KIAA1958: variants seen among roughly 807,000 people sequenced by gnomAD.
KIAA1958 encodes the protein uncharacterized protein KIAA1958.
In KIAA1958, 14 loss-of-function variants were observed where a neutral mutation model predicts 47.2. The observed-to-expected ratio is 0.30, with a 90% CI of 0.20 to 0.46. KIAA1958 has a LOEUF of 0.46. KIAA1958 is among the 20% of genes least tolerant of loss of function. The pLI, the probability that KIAA1958 is intolerant of heterozygous loss-of-function variation, is 1.00. For missense variants in KIAA1958, 803 were observed against 909.2 expected (o/e 0.88, Z 1.50); for synonymous variants, 354 against 353.3 (o/e 1.00, Z -0.02).
chr9:112,502,766 A>G (rs1834164814), intron 1 of KIAA1958, among the ~76,000 whole-genome samples: 1 of 152,238 alleles, frequency 6.6e-6, no homozygotes, highest in Admixed American at 6.5e-5. Flanking sequence ...TACGATAGAG[A>G]TCTTGCAAAG....
intron 2 of KIAA1958, among the ~76,000 whole-genome samples, chr9:112,632,921 T>A (rs201642128): frequency 5.4e-4 from 70 of 130,058 alleles, no homozygotes; most frequent in Admixed American, 4.5e-3. Flanking sequence ...TTTTTTTTTT[T>A]TTAAAAAAAG....
At chr9:112,597,945 T>TG (rs1836061501) in intron 2 of KIAA1958, among the ~76,000 whole-genome samples, 1 of 152,082 alleles carries the variant, frequency 6.6e-6, no homozygotes, top group South Asian at 2.1e-4. Context: ...GATGAAACAG[T>TG]GGGGAAAAAA....
rs1837311773 is a variant in KIAA1958 at position 112,663,489 on chromosome 9, CTG to C, written c.*3422_*3423del. 2 of 152,188 alleles carry C rather than the reference CTG, an allele frequency of 1.3e-5. No homozygotes were observed. Among genetic ancestry groups the C allele is most frequent in the African/African-American group, 4.8e-5 (2 of 41,442 alleles). 9.4% of individuals were successfully genotyped at this position (152,188 alleles called of 1,614,324 possible). On this transcript the variant is annotated 3_prime_UTR_variant, in exon 4 of 4. Coordinates refer to ENST00000337530, the MANE Select transcript of KIAA1958 (RefSeq NM_133465.4). ...TTATGGAGATTCTGTCTCCCTTAAA[CTG>C]TTAAACTTGAAGAAGAAACCAAACA...
intron 2 of KIAA1958, among the ~76,000 whole-genome samples, chr9:112,593,706 C>G (rs185831628): frequency 2.2e-4 from 34 of 151,884 alleles, no homozygotes; most frequent in African/African-American, 8.2e-4. Flanking sequence ...CCACTGAGCC[C>G]AGCCTATATT....
At chr9:112,602,247 G>T (rs1836147134) in intron 2 of KIAA1958, among the ~76,000 whole-genome samples, 2 of 152,122 alleles carry the variant, frequency 1.3e-5, no homozygotes, top group South Asian at 2.1e-4. Flanking sequence ...AAGATTGCAG[G>T]TATTAGGAGC....
At chr9:112,591,235 C>G (rs999475042) in intron 2 of KIAA1958, among the ~76,000 whole-genome samples, 3 of 152,040 alleles carry the variant, frequency 2.0e-5, no homozygotes, top group Non-Finnish European at 2.9e-5. Context: ...AGGTGCCCAC[C>G]ACCACGCCCG....
At chr9:112,520,498 T>C (rs1051612050) in intron 1 of KIAA1958, among the ~76,000 whole-genome samples, 30 of 152,192 alleles carry the variant, frequency 2.0e-4, no homozygotes, top group African/African-American at 7.2e-4. Context: ...TGGTATTCTG[T>C]ATAAATTAAT....
chr9:112,649,028 A>G (rs187085172), intron 3 of KIAA1958, among the ~76,000 whole-genome samples: 149 of 152,180 alleles, frequency 9.8e-4, no homozygotes, highest in Admixed American at 3.1e-3. Context: ...CCAAAAATGA[A>G]CTTACAGATA....
At position 112,662,383 on chromosome 9, in the gene KIAA1958, G is replaced by A. The variant is rs1272416386; in HGVS notation, c.*2314G>A. 6.6e-6 allele frequency: 1 copy of A among 152,140 alleles called. No individual in the cohort carries two copies. Among genetic ancestry groups the A allele is most frequent in the Non-Finnish European group, 1.5e-5 (1 of 68,038 alleles). 9.4% of individuals were successfully genotyped at this position (152,140 alleles called of 1,614,324 possible). On this transcript the variant is annotated 3_prime_UTR_variant, in exon 4 of 4. Coordinates refer to ENST00000337530, the MANE Select transcript of KIAA1958 (RefSeq NM_133465.4). ...CCAGCGTGTGCCACCCATTGTACTAGGTACTTTATTATGCATTTATGTATA... is the reference window on the plus strand; with the variant it reads ...CCAGCGTGTGCCACCCATTGTACTAAGTACTTTATTATGCATTTATGTATA...
At chr9:112,487,946 C>CGTGTGTGTGT (rs57108785) in intron 1 of KIAA1958, among the ~76,000 whole-genome samples, 12,748 of 145,708 alleles carry the variant, frequency 0.087, 690 homozygotes, top group Middle Eastern at 0.14. Context: ...AGTGTGTGTG[C>CGTGTGTGTGT]GTGTGTGTGT....
At chr9:112,643,692 A>G (rs1489104451) in intron 2 of KIAA1958, among the ~76,000 whole-genome samples, 4 of 152,156 alleles carry the variant, frequency 2.6e-5, no homozygotes. Context: ...GCACAAAGAC[A>G]TGGTCCTAAG....
chr9:112,494,591 C>T (rs368967783), intron 1 of KIAA1958, among the ~76,000 whole-genome samples: 36 of 151,910 alleles, frequency 2.4e-4, no homozygotes, highest in African/African-American at 8.2e-4. Context: ...CAGTTTAGCC[C>T]CAAGTAGCTG....
chr9:112,489,885 G>A (rs1228288489), intron 1 of KIAA1958, among the ~76,000 whole-genome samples: 2 of 152,196 alleles, frequency 1.3e-5, no homozygotes, highest in Non-Finnish European at 2.9e-5. Flanking sequence ...GCCACTTTAT[G>A]TTAACTGGAA....
At chr9:112,529,175 A>T (rs564122524) in intron 1 of KIAA1958, among the ~76,000 whole-genome samples, 1 of 152,326 alleles carries the variant, frequency 6.6e-6, no homozygotes, top group African/African-American at 2.4e-5. Context: ...TTATCTACCT[A>T]TATCTACATG....
At chr9:112,499,393 G>T (rs1834096383) in intron 1 of KIAA1958, among the ~76,000 whole-genome samples, 1 of 152,104 alleles carries the variant, frequency 6.6e-6, no homozygotes, top group Non-Finnish European at 1.5e-5. Flanking sequence ...AGCTGAAGGT[G>T]CTCCCATTCT....
At chr9:112,588,862 C>T (rs909575725) in intron 2 of KIAA1958, among the ~76,000 whole-genome samples, 4 of 152,000 alleles carry the variant, frequency 2.6e-5, no homozygotes, top group African/African-American at 9.7e-5. Context: ...TTGGTGGAAT[C>T]CATCAATAAT....
chr9:112,528,199 C>G (rs976985934), intron 1 of KIAA1958, among the ~76,000 whole-genome samples: 1 of 152,272 alleles, frequency 6.6e-6, no homozygotes, highest in Non-Finnish European at 1.5e-5. Context: ...CTCATTGTTC[C>G]TCTAAAAAGC....
rs190571089 is a variant in KIAA1958 at position 112,580,596 on chromosome 9, G to A, written c.1171+5345G>A. Among the ~76,000 whole-genome samples, 3 of 152,238 alleles carry A rather than the reference G, an allele frequency of 2.0e-5. No individual in the cohort carries two copies. In the South Asian group the frequency reaches 6.2e-4, roughly 32 times the overall value. Reference sequence around the variant, plus strand: ...GAGGTCAGGAGTTCAAGACCAGCCTGGCCAACATGGTGAAACCCCATCTCT... The same window carrying A: ...GAGGTCAGGAGTTCAAGACCAGCCTAGCCAACATGGTGAAACCCCATCTCT... On this transcript the variant is annotated intron_variant, in intron 2 of 3. Coordinates refer to ENST00000337530, the MANE Select transcript of KIAA1958 (RefSeq NM_133465.4).
intron 1 of KIAA1958, among the ~76,000 whole-genome samples, chr9:112,532,430 T>C (rs114760047): frequency 1.2e-4 from 18 of 152,374 alleles, no homozygotes; most frequent in African/African-American, 4.3e-4. Flanking sequence ...TTTTCTATTA[T>C]GGCCCTTATC....
Sources: allele counts gnomAD v4.1 joint callset (sites outside exome capture counted in the v4.1 genomes callset), GRCh38; gene constraint gnomAD v4.1.1; transcripts MANE v1.5; gene names NCBI Gene and HGNC (gene_info 2026-07-23, HGNC 2026-07-21).